Variants in WDR17 observed in about 807,000 individuals in gnomAD.
WDR17 encodes the protein WD repeat domain 17.
A neutral mutation model predicts 161.7 loss-of-function variants in WDR17; 143 were observed. The observed-to-expected ratio is 0.88, with a 90% confidence interval of 0.77 to 1.02. WDR17 has a LOEUF of 1.02. Among genes scored for constraint, WDR17 ranks in the 50% least tolerant of loss-of-function variants. The probability of loss-of-function intolerance (pLI) is 0.00; values close to 1 mark genes in which losing one functional copy is unlikely to be tolerated. For synonymous variants in WDR17, 517 were observed against 515.6 expected (o/e 1.00, Z -0.04); for missense variants, 1,469 against 1,520.9 (o/e 0.97, Z 0.57).
chr4:176,146,959 C>T (rs28472436), intron 12 of WDR17, among the ~76,000 whole-genome samples: 6,368 of 151,946 alleles, frequency 0.042, 400 homozygotes, highest in African/African-American at 0.14. Flanking sequence ...CTCTGCCTCC[C>T]GGGTTCAAGC....
In WDR17 at chr4:176,072,744, A is replaced by G. The variant is rs768525616; in HGVS notation, c.-7+6665A>G. On this transcript the variant is annotated intron_variant, in intron 1 of 28. Coordinates refer to ENST00000508596, the MANE Select transcript of WDR17 (RefSeq NM_181265.4). ...CACATAGTATATTTACACTTTAAAC[A>G]CTGACATTTCAACAATGTGTTTTTA... Among the ~76,000 whole-genome samples the G allele has an allele frequency of 3.3e-4, 51 of 152,324 alleles. 2 individuals carry two copies. The Middle Eastern group carries it at 0.017, about 51-fold the overall frequency.
rs763721613 is a variant in WDR17, at chr4:176,139,853, A to T, written c.1360-39A>T. The T allele has an allele frequency of 2.7e-6, 4 of 1,505,496 alleles. No homozygotes were observed. In the Admixed American group the frequency reaches 7.4e-5, roughly 28 times the overall value. The allele number at this position is 1,505,496 out of a possible 1,614,324, so 93.3% of individuals were successfully genotyped here. ...AAATATATAAGAGAAAAAAGGGGTG[A>T]ATTATTTCTTATTGATAGGTATTTT... is the stretch of plus-strand genomic sequence containing the variant. On this transcript the variant is annotated intron_variant, in intron 9 of 28. Transcript: ENST00000508596.
intron 11 of WDR17, among the ~76,000 whole-genome samples, chr4:176,143,550 A>G (rs958342948): frequency 6.6e-6 from 1 of 151,650 alleles, no homozygotes; most frequent in Non-Finnish European, 1.5e-5. Flanking sequence ...CTGGTGGGGC[A>G]CACTTGTAGT....
intron 5 of WDR17, among the ~76,000 whole-genome samples, chr4:176,125,794 A>G (rs1313143529): frequency 6.6e-6 from 1 of 152,210 alleles, no homozygotes; most frequent in Non-Finnish European, 1.5e-5. Context: ...CTGCTATAAC[A>G]GAATACCACA....
At chr4:176,130,810 G>A (rs553713583) in intron 6 of WDR17, among the ~76,000 whole-genome samples, 258 of 151,892 alleles carry the variant, frequency 1.7e-3, no homozygotes, top group Admixed American at 2.6e-3. Context: ...TAATCGATTG[G>A]TCTTATAATT....
At chr4:176,142,901 C>T (rs1034308551) in intron 11 of WDR17, among the ~76,000 whole-genome samples, 1 of 152,048 alleles carries the variant, frequency 6.6e-6, no homozygotes. Flanking sequence ...TTTTTGAGGA[C>T]GGAGTTTCAC....
In WDR17 at chr4:176,128,770, G is replaced by A; in HGVS notation, c.823G>A (p.Val275Ile). The change falls in exon 6 of 29, where the codon GTT becomes ATT. Residue 275 changes from valine (V) to isoleucine (I), a missense_variant. Coordinates refer to ENST00000508596, the MANE Select transcript of WDR17 (RefSeq NM_181265.4). ...AGTGGGTGTTTTACGCATTTGGAAT[G>A]TTTCAAGAACAACACCTATTGATAA... is the stretch of plus-strand genomic sequence containing the variant. ...SQVGVLRIWN[V>I]SRTTPIDNLK... 6.2e-7 allele frequency: 1 copy of A among 1,604,038 alleles called. No individual in the cohort carries two copies. Among genetic ancestry groups the A allele is most frequent in the Non-Finnish European group, 8.5e-7 (1 of 1,176,414 alleles).
At chr4:176,177,759 G>A (rs1751653915) in intron 28 of WDR17, 105 bp downstream of exon 28, 2 of 1,160,698 alleles carry the variant, frequency 1.7e-6, no homozygotes, top group Non-Finnish European at 2.4e-6. Flanking sequence ...AGGTAATTTA[G>A]GACTGGGGTC....
chr4:176,137,468 A>G, intron 8 of WDR17, 52 bp from the exon 9 acceptor site: 1 of 1,443,464 alleles, frequency 6.9e-7, no homozygotes, highest in Non-Finnish European at 9.6e-7. Flanking sequence ...TTTTAAAAGA[A>G]TTACATTTGT....
intron 1 of WDR17, among the ~76,000 whole-genome samples, chr4:176,086,316 A>G (rs1416953911): frequency 6.6e-6 from 1 of 151,876 alleles, no homozygotes; most frequent in Non-Finnish European, 1.5e-5. Flanking sequence ...CCTTTTCTGT[A>G]TGTTGTTCAG....
rs1224310331 is a variant in WDR17, at chr4:176,180,254, T to TA, written c.*680dup. On this transcript the variant is annotated 3_prime_UTR_variant, in exon 29 of 29. Coordinates refer to ENST00000508596, the MANE Select transcript of WDR17 (RefSeq NM_181265.4). ...TATAGGCTTGAAAAAAATTGGCGGG[T>TA]AAAAATCACAAAATGCAGTCGAATA... is the stretch of plus-strand genomic sequence containing the variant. 2.0e-5 allele frequency: 3 copies of TA among 151,038 alleles called. No individual in the cohort carries two copies. The highest frequency in any genetic ancestry group is 1.9e-4 in the East Asian group (1 of 5,154). 9.4% of individuals were successfully genotyped at this position (151,038 alleles called of 1,614,324 possible). A position where few individuals can be genotyped will look rare whatever the true frequency, so the allele number is the denominator to read the frequency against.
chr4:176,094,806 T>C (rs1736606617), intron 1 of WDR17, among the ~76,000 whole-genome samples: 1 of 152,190 alleles, frequency 6.6e-6, no homozygotes, highest in African/African-American at 2.4e-5. Context: ...TGATTTGATA[T>C]TTTCATCTCA....
At chr4:176,080,684 C>T (rs1257076473) in intron 1 of WDR17, among the ~76,000 whole-genome samples, 1 of 152,084 alleles carries the variant, frequency 6.6e-6, no homozygotes, top group African/African-American at 2.4e-5. Flanking sequence ...ATGAATACTT[C>T]AGTCTTAATT....
At chr4:176,144,249 C>T (rs1360319550) in intron 11 of WDR17, among the ~76,000 whole-genome samples, 1 of 152,056 alleles carries the variant, frequency 6.6e-6, no homozygotes, top group East Asian at 1.9e-4. Context: ...AGTAAGTTTC[C>T]CATATAATAT....
At chr4:176,152,265 A>T (rs1393311578) in intron 17 of WDR17, among the ~76,000 whole-genome samples, 1 of 139,182 alleles carries the variant, frequency 7.2e-6, no homozygotes, top group Non-Finnish European at 1.5e-5. Context: ...ACTGCACTCC[A>T]GCCTGGGCTA....
chr4:176,176,024 C>A (rs1751405380), intron 26 of WDR17, among the ~76,000 whole-genome samples: 1 of 152,124 alleles, frequency 6.6e-6, no homozygotes, highest in African/African-American at 2.4e-5. Flanking sequence ...GGAAAAATCT[C>A]TTTCTACATA....
chr4:176,118,580 G>A (rs10000614), intron 3 of WDR17, among the ~76,000 whole-genome samples: 39,719 of 151,844 alleles, frequency 0.26, 5,428 homozygotes, highest in African/African-American at 0.33. Context: ...GTCAATCAGC[G>A]AATTTCCACT....
chr4:176,173,672 A>G (rs1261571188), intron 25 of WDR17, among the ~76,000 whole-genome samples: 1 of 151,918 alleles, frequency 6.6e-6, no homozygotes, highest in Non-Finnish European at 1.5e-5. Context: ...GCCCGCCACC[A>G]TGCCTGGCTA....
At position 176,155,545 on chromosome 4, in the gene WDR17, G is replaced by GTTTT. The variant is rs869207103; in HGVS notation, c.2461-521_2461-518dup. Among the ~76,000 whole-genome samples the GTTTT allele has an allele frequency of 4.4e-3, 461 of 105,224 alleles. 9 individuals are homozygous for GTTTT. The highest frequency in any genetic ancestry group is 0.016 in the African/African-American group (406 of 25,646). The allele number at this position is 105,224 out of a possible 152,430, so 69.0% of individuals were successfully genotyped here. A position where few individuals can be genotyped will look rare whatever the true frequency, so the allele number is the denominator to read the frequency against. ...TTTGTTTTTTTGTTTATTTGTTTGT[G>GTTTT]TTTTTTTTTTTTTTTTGGAGACGAA... On this transcript the variant is annotated intron_variant, in intron 17 of 28. Coordinates refer to ENST00000508596, the MANE Select transcript of WDR17 (RefSeq NM_181265.4).
Sources: gnomAD v4.1 joint callset for allele counts (sites outside exome capture counted in the v4.1 genomes callset) on GRCh38, gnomAD v4.1.1 for gene constraint, MANE v1.5 for transcripts, NCBI Gene and HGNC (gene_info 2026-07-23, HGNC 2026-07-21) for gene names.